GRIN2A: variants seen among roughly 807,000 people sequenced by gnomAD.
GRIN2A encodes glutamate ionotropic receptor NMDA type subunit 2A.
Under a neutral mutation model 113.4 loss-of-function variants are expected in GRIN2A, and 22 were observed. That is an observed-to-expected ratio of 0.19 (90% CI 0.14 to 0.28). The LOEUF (loss-of-function observed/expected upper bound fraction) is 0.28, where lower values mean the gene tolerates loss of function less well. Ranked by LOEUF, GRIN2A falls within the 10% of genes least tolerant of loss-of-function variation. The pLI, the probability that GRIN2A is intolerant of heterozygous loss-of-function variation, is 1.00. For missense variants in GRIN2A, 1,502 were observed against 1,887.0 expected (o/e 0.80, Z 3.78); for synonymous variants, 827 against 738.4 (o/e 1.12, Z -1.94).
intron 3 of GRIN2A, among the ~76,000 whole-genome samples, chr16:9,921,714 G>T (rs1159021544): frequency 1.3e-5 from 2 of 152,090 alleles, no homozygotes; most frequent in Non-Finnish European, 2.9e-5. Context: ...AAGTAAAATG[G>T]ACAAGGTTCC....
At chr16:9,889,977 C>G (rs1334209165) in intron 4 of GRIN2A, among the ~76,000 whole-genome samples, 1 of 152,098 alleles carries the variant, frequency 6.6e-6, no homozygotes, top group Non-Finnish European at 1.5e-5. Flanking sequence ...CCTCACTGTT[C>G]TTTTCTAGGA....
chr16:9,944,360 C>G (rs904727816), intron 2 of GRIN2A, among the ~76,000 whole-genome samples: 1 of 152,150 alleles, frequency 6.6e-6, no homozygotes. Flanking sequence ...ATAGCATTCT[C>G]ACGTGCACAT....
At chr16:10,102,372 A>AC (rs1288114631) in intron 2 of GRIN2A, among the ~76,000 whole-genome samples, 2 of 151,384 alleles carry the variant, frequency 1.3e-5, no homozygotes, top group African/African-American at 4.9e-5. Flanking sequence ...GCGATATGCT[A>AC]CCCCCCTTTC....
chr16:9,865,745 AAT>A (rs547812611), intron 4 of GRIN2A, among the ~76,000 whole-genome samples: 3 of 152,318 alleles, frequency 2.0e-5, no homozygotes, highest in Non-Finnish European at 4.4e-5. Flanking sequence ...CACAGCAGTG[AAT>A]AGACCCTAAA....
At chr16:10,063,906 T>C (rs2047596995) in intron 2 of GRIN2A, among the ~76,000 whole-genome samples, 1 of 152,176 alleles carries the variant, frequency 6.6e-6, no homozygotes, top group Non-Finnish European at 1.5e-5. Flanking sequence ...CTGAGGAAGC[T>C]GCCACTTTAT....
At chr16:10,140,423 C>T (rs972792275) in intron 2 of GRIN2A, among the ~76,000 whole-genome samples, 3 of 152,054 alleles carry the variant, frequency 2.0e-5, no homozygotes, top group Admixed American at 6.6e-5. Context: ...CATCCAGGGT[C>T]GGAGTGATAG....
intron 2 of GRIN2A, among the ~76,000 whole-genome samples, chr16:10,138,593 G>A (rs1048397552): frequency 6.6e-6 from 1 of 152,008 alleles, no homozygotes; most frequent in East Asian, 1.9e-4. Flanking sequence ...TGACACGTGG[G>A]GATTACAATT....
chr16:10,030,098 C>T (rs143678941), intron 2 of GRIN2A, among the ~76,000 whole-genome samples: 76 of 152,228 alleles, frequency 5.0e-4, no homozygotes, highest in Admixed American at 2.3e-3. Context: ...AAAGCAAGCA[C>T]GGGCTATGTG....
chr16:9,909,935 A>G (rs992850369), intron 3 of GRIN2A, among the ~76,000 whole-genome samples: 13 of 152,190 alleles, frequency 8.5e-5, no homozygotes, highest in Admixed American at 2.6e-4. Flanking sequence ...AAAGTAATAC[A>G]TGTATTTCAT....
intron 4 of GRIN2A, among the ~76,000 whole-genome samples, chr16:9,888,141 A>G (rs887558743): frequency 7.9e-5 from 12 of 152,116 alleles, no homozygotes; most frequent in East Asian, 1.9e-4. Context: ...GGGTTTCACC[A>G]TATTGGTCAG....
chr16:9,789,299 A>G (rs1256934834), intron 11 of GRIN2A, among the ~76,000 whole-genome samples: 1 of 152,204 alleles, frequency 6.6e-6, no homozygotes, highest in Non-Finnish European at 1.5e-5. Flanking sequence ...ATCATAAACC[A>G]GCAGACTAAA....
intron 2 of GRIN2A, among the ~76,000 whole-genome samples, chr16:10,110,677 G>A (rs1238424892): frequency 6.6e-6 from 1 of 152,176 alleles, no homozygotes; most frequent in African/African-American, 2.4e-5. Context: ...AGCAGGTTCT[G>A]GATAAGTGAT....
At chr16:9,994,836 A>C (rs139926459) in intron 2 of GRIN2A, among the ~76,000 whole-genome samples, 38 of 152,342 alleles carry the variant, frequency 2.5e-4, no homozygotes, top group Non-Finnish European at 5.3e-4. Context: ...TTGCTATGGT[A>C]ATTAGAGGTA....
At chr16:10,037,484 A>G (rs1215206010) in intron 2 of GRIN2A, among the ~76,000 whole-genome samples, 2 of 152,120 alleles carry the variant, frequency 1.3e-5, no homozygotes, top group African/African-American at 4.8e-5. Flanking sequence ...TAAAAAGTAT[A>G]TTGGACTAAG....
In GRIN2A at chr16:9,811,841, C is replaced by T. The variant is rs539208049; in HGVS notation, c.2168+10423G>A. 1.8e-4 allele frequency among the ~76,000 whole-genome samples: 27 copies of T among 152,302 alleles called. No individual in the cohort carries two copies. The South Asian group carries it at 5.0e-3, about 28-fold the overall frequency. On this transcript the variant is annotated intron_variant, in intron 10 of 12. Coordinates refer to ENST00000330684, the MANE Select transcript of GRIN2A (RefSeq NM_001134407.3). ...AGGGAGTTCCTGCTTCTTCACAGTT[C>T]TTCCCCAGGAGGAATTTTCTGACCA...
At chr16:9,809,065 G>A (rs566995080) in intron 10 of GRIN2A, among the ~76,000 whole-genome samples, 2 of 152,276 alleles carry the variant, frequency 1.3e-5, no homozygotes, top group South Asian at 4.1e-4. Context: ...GTGACATACT[G>A]CATAGAGTTT....
chr16:9,812,971 T>C (rs919603603), intron 10 of GRIN2A, among the ~76,000 whole-genome samples: 1 of 152,210 alleles, frequency 6.6e-6, no homozygotes, highest in African/African-American at 2.4e-5. Flanking sequence ...GTTATAAGAA[T>C]TGTGTTGTCA....
chr16:9,958,570 A>G (rs1382244271), intron 2 of GRIN2A, among the ~76,000 whole-genome samples: 2 of 152,130 alleles, frequency 1.3e-5, no homozygotes, highest in Non-Finnish European at 2.9e-5. Context: ...TTCTGAAGCA[A>G]ATAGTCTGCA....
chr16:9,907,168 T>A (rs763026932), intron 3 of GRIN2A, among the ~76,000 whole-genome samples: 8 of 152,176 alleles, frequency 5.3e-5, no homozygotes, highest in Admixed American at 2.0e-4. Flanking sequence ...GTTTTACAGT[T>A]TGGGGCAATT....
Sources: allele counts gnomAD v4.1 joint callset (sites outside exome capture counted in the v4.1 genomes callset), GRCh38; gene constraint gnomAD v4.1.1; transcripts MANE v1.5; gene names NCBI Gene and HGNC (gene_info 2026-07-23, HGNC 2026-07-21).